Variants in RPS6KA1 observed in about 807,000 individuals in gnomAD.
RPS6KA1 encodes ribosomal protein S6 kinase alpha-1.
In RPS6KA1, 48 loss-of-function variants were observed where a neutral mutation model predicts 91.3. The ratio of observed to expected loss-of-function variants is 0.53; its 90% CI spans 0.42 to 0.67. RPS6KA1 has a LOEUF of 0.67. RPS6KA1 is among the 30% of genes least tolerant of loss of function. The pLI, the probability that RPS6KA1 is intolerant of heterozygous loss-of-function variation, is 0.00. For synonymous variants in RPS6KA1, 359 were observed against 384.7 expected (o/e 0.93, Z 0.78); for missense variants, 719 against 960.5 (o/e 0.75, Z 3.32).
chr1:26,559,132 A>G (rs1367406912), intron 14 of RPS6KA1, among the ~76,000 whole-genome samples, 195 bp downstream of exon 14: 1 of 152,108 alleles, frequency 6.6e-6, no homozygotes, highest in Admixed American at 6.6e-5. Flanking sequence ...ATGGGTGTAC[A>G]TTTCCCAGCA....
intron 2 of RPS6KA1, 117 bp from the exon 3 acceptor site, chr1:26,546,750 G>A (rs550653633): frequency 3.5e-5 from 25 of 718,904 alleles, no homozygotes; most frequent in African/African-American, 7.0e-5. Context: ...CAGGGAAGTC[G>A]TCTATTGGGC....
At position 26,558,392 on chromosome 1, in the gene RPS6KA1, T is replaced by A. The variant is rs1309071442; in HGVS notation, c.1085-415T>A. The stretch of plus-strand genomic sequence containing the variant: ...ATCACAGGGCCCTCAATTGCCAGAC[T>A]CAGGAGCTGGACTTACTCCTGAAGG... On this transcript the variant is annotated intron_variant, in intron 13 of 21. Coordinates refer to ENST00000374168, the MANE Select transcript of RPS6KA1 (RefSeq NM_002953.4). The surrounding 1 kb of genome is among the most constrained non-coding windows in gnomAD (Gnocchi z 4.0). Among the ~76,000 whole-genome samples the A allele has an allele frequency of 6.6e-6, 1 of 152,122 alleles. No individual in the cohort carries two copies. The highest frequency in any genetic ancestry group is 2.1e-4 in the South Asian group (1 of 4,836).
At chr1:26,572,033 C>T in intron 19 of RPS6KA1, 108 bp downstream of exon 19, 1 of 1,358,222 alleles carries the variant, frequency 7.4e-7, no homozygotes, top group Non-Finnish European at 1.0e-6. Flanking sequence ...CCAGGATGGT[C>T]TGGAAATAGG....
intron 17 of RPS6KA1, among the ~76,000 whole-genome samples, chr1:26,565,983 A>G (rs372027335): frequency 7.9e-5 from 12 of 152,278 alleles, no homozygotes; most frequent in African/African-American, 2.9e-4. Flanking sequence ...TACTGTATGT[A>G]TAATTGTCCA....
In RPS6KA1 at chr1:26,571,193, T is replaced by C; in HGVS notation, c.1591-256T>C. On this transcript the variant is annotated intron_variant, in intron 17 of 21. Coordinates refer to ENST00000374168, the MANE Select transcript of RPS6KA1 (RefSeq NM_002953.4). This position sits in a 1 kb window ranked among gnomAD's most constrained non-coding sequence, Gnocchi z 5.1. ...GGAGTTGCCACAAGGTAAGATTATGTGATGAGTAGGTTTTAGGGGAGAATT... is the reference window on the plus strand; with the variant it reads ...GGAGTTGCCACAAGGTAAGATTATGCGATGAGTAGGTTTTAGGGGAGAATT... 2 of 471,374 alleles carry C rather than the reference T, an allele frequency of 4.2e-6. No homozygotes were observed. The highest frequency in any genetic ancestry group is 7.2e-5 in the East Asian group (2 of 27,950). 29.2% of individuals were successfully genotyped at this position (471,374 alleles called of 1,614,324 possible). A position where few individuals can be genotyped will look rare whatever the true frequency, so the allele number is the denominator to read the frequency against.
chr1:26,552,288 G>A (rs999677084), intron 6 of RPS6KA1, among the ~76,000 whole-genome samples: 1 of 149,744 alleles, frequency 6.7e-6, no homozygotes, highest in Non-Finnish European at 1.5e-5. Context: ...CTCAGGAAGC[G>A]GAGGCACAAG....
At chr1:26,553,685 G>T (rs1406208589) in intron 7 of RPS6KA1, 188 bp downstream of exon 7, 2 of 398,484 alleles carry the variant, frequency 5.0e-6, no homozygotes, top group African/African-American at 2.1e-5. Flanking sequence ...ATTACCAAGG[G>T]CCAGGTACTT....
At chr1:26,530,968 C>T (rs952292821) in intron 1 of RPS6KA1, 56 of 1,077,710 alleles carry the variant, frequency 5.2e-5, no homozygotes, top group Non-Finnish European at 6.2e-5. Context: ...CTCATTTGAG[C>T]CCAGGAGCTG....
At chr1:26,530,869 CT>C in intron 1 of RPS6KA1, 2 of 1,284,298 alleles carry the variant, frequency 1.6e-6, no homozygotes, top group Non-Finnish European at 2.0e-6. Context: ...TGGTGGAAAA[CT>C]TCCTCCTTAA....
intron 2 of RPS6KA1, chr1:26,543,252 TG>T: frequency 6.8e-7 from 1 of 1,474,968 alleles, no homozygotes. Context: ...CCTCCAGCGG[TG>T]TCTGTCACCA....
chr1:26,542,557 C>G (rs2075956756), intron 2 of RPS6KA1, among the ~76,000 whole-genome samples: 1 of 152,248 alleles, frequency 6.6e-6, no homozygotes, highest in Non-Finnish European at 1.5e-5. Flanking sequence ...CCATAGCTGC[C>G]TGCTCCTCCT....
intron 2 of RPS6KA1, chr1:26,544,136 G>A (rs1185330767): frequency 2.2e-6 from 1 of 456,342 alleles, no homozygotes; most frequent in South Asian, 1.5e-5. Context: ...CTGCCCTGCT[G>A]CCTGCCCGTG....
In RPS6KA1 at chr1:26,561,543, G is replaced by A. The variant is rs2076154411; in HGVS notation, c.1470G>A (p.Glu490=). The part of the protein sequence containing the change: ...DDGKHVYLVT[E]LMRGGELLDK... The stretch of plus-strand genomic sequence containing the variant: ...GCAAACACGTGTACCTGGTGACAGA[G>A]CTGATGCGGGGTGGGGAGCTGCTGG... The change falls in exon 17 of 22, where the codon GAG becomes GAA. Residue 490 remains glutamate, a synonymous_variant. Coordinates refer to ENST00000374168, the MANE Select transcript of RPS6KA1 (RefSeq NM_002953.4). The surrounding 1 kb of genome is among the most constrained non-coding windows in gnomAD (Gnocchi z 5.7). 2.5e-6 allele frequency: 4 copies of A among 1,614,162 alleles called. No individual in the cohort carries two copies. Among genetic ancestry groups the A allele is most frequent in the Non-Finnish European group, 3.4e-6 (4 of 1,180,022 alleles).
chr1:26,536,510 C>T (rs2075907749), intron 1 of RPS6KA1, among the ~76,000 whole-genome samples: 2 of 152,182 alleles, frequency 1.3e-5, no homozygotes, highest in Non-Finnish European at 2.9e-5. Flanking sequence ...GTGTAACTAC[C>T]CCACCCCATG....
intron 11 of RPS6KA1, among the ~76,000 whole-genome samples, 195 bp from the exon 12 acceptor site, chr1:26,556,459 A>G (rs1246810615): frequency 1.3e-5 from 2 of 152,194 alleles, no homozygotes; most frequent in Non-Finnish European, 2.9e-5. Context: ...CTTCATCAGA[A>G]GCTCCAGAAA....
At chr1:26,542,954 C>T (rs1246963050) in intron 2 of RPS6KA1, among the ~76,000 whole-genome samples, 1 of 152,086 alleles carries the variant, frequency 6.6e-6, no homozygotes, top group Non-Finnish European at 1.5e-5. Flanking sequence ...GAGGTGTGCC[C>T]CTGGGCCTTC....
chr1:26,557,208 T>C (rs1570447146), intron 13 of RPS6KA1, 108 bp downstream of exon 13: 1 of 822,254 alleles, frequency 1.2e-6, no homozygotes. Context: ...CAGGCCGAGG[T>C]ATGCGGGTGG....
chr1:26,560,586 G>A (rs573400139), intron 14 of RPS6KA1, 140 bp from the exon 15 acceptor site: 444 of 1,034,382 alleles, frequency 4.3e-4, no homozygotes, highest in Non-Finnish European at 5.8e-4. Context: ...TGTCACCTGC[G>A]GTCACATGGC....
chr1:26,535,916 C>T (rs544210775), intron 1 of RPS6KA1, among the ~76,000 whole-genome samples: 6 of 151,934 alleles, frequency 3.9e-5, no homozygotes, highest in Admixed American at 2.6e-4. Context: ...TTTGGGAGGC[C>T]GAGGCGGGCG....
Sources: allele counts gnomAD v4.1 joint callset (sites outside exome capture counted in the v4.1 genomes callset), GRCh38; gene constraint gnomAD v4.1.1; non-coding constraint Gnocchi (gnomAD v3.1); transcripts MANE v1.5; gene names NCBI Gene and HGNC (gene_info 2026-07-23, HGNC 2026-07-21).